TTC3: variants seen among roughly 807,000 people sequenced by gnomAD.
TTC3 encodes the protein E3 ubiquitin-protein ligase TTC3.
A neutral mutation model predicts 249.6 loss-of-function variants in TTC3; 180 were observed. The observed-to-expected ratio is 0.72, with a 90% CI of 0.64 to 0.82. The LOEUF (loss-of-function observed/expected upper bound fraction) is 0.82, where lower values mean the gene tolerates loss of function less well. Among genes scored for constraint, TTC3 ranks in the 40% least tolerant of loss-of-function variants. TTC3 has a pLI of 0.00. For synonymous variants in TTC3, 717 were observed against 805.0 expected (o/e 0.89, Z 1.85); for missense variants, 2,061 against 2,398.4 (o/e 0.86, Z 2.94).
intron 10 of TTC3, chr21:37,097,851 A>G (rs185904312): frequency 1.3e-4 from 84 of 628,532 alleles, no homozygotes; most frequent in African/African-American, 1.3e-3. Context: ...TGGGGAAGGT[A>G]GTAAACTCTA....
intron 1 of TTC3, among the ~76,000 whole-genome samples, chr21:37,081,238 C>A (rs2071614183): frequency 6.8e-6 from 1 of 146,754 alleles, no homozygotes; most frequent in Admixed American, 6.9e-5. Context: ...CTGCCTCAGA[C>A]TCCCAAGTAG....
intron 34 of TTC3, among the ~76,000 whole-genome samples, chr21:37,170,997 C>T (rs1472566657): frequency 6.6e-6 from 1 of 152,170 alleles, no homozygotes; most frequent in Non-Finnish European, 1.5e-5. Flanking sequence ...GTTTCCATAT[C>T]AGTAAATACG....
chr21:37,097,357 C>T (rs533018641), intron 10 of TTC3, among the ~76,000 whole-genome samples: 234 of 152,162 alleles, frequency 1.5e-3, no homozygotes, highest in Middle Eastern at 6.8e-3. Flanking sequence ...TTTTGTCCTG[C>T]CTTACTGTAA....
chr21:37,174,779 G>T (rs1332131084), intron 35 of TTC3, among the ~76,000 whole-genome samples: 1 of 151,922 alleles, frequency 6.6e-6, no homozygotes, highest in Non-Finnish European at 1.5e-5. Flanking sequence ...TTTGACCCTC[G>T]GTCTTCTCAT....
chr21:37,134,629 G>C (rs571342583), intron 17 of TTC3, among the ~76,000 whole-genome samples: 1 of 152,134 alleles, frequency 6.6e-6, no homozygotes, highest in African/African-American at 2.4e-5. Flanking sequence ...AAGGAGTGAG[G>C]AGATTTTAGG....
At chr21:37,166,056 C>A in exon 33 of TTC3, 1 of 1,614,180 alleles carries the variant, frequency 6.2e-7, no homozygotes, top group Non-Finnish European at 8.5e-7. Context: ...TCTCCTAAAC[C>A]AGGCTCTGAG....
intron 27 of TTC3, 105 bp downstream of exon 27, chr21:37,153,382 C>G (rs1341504637): frequency 9.9e-6 from 11 of 1,106,866 alleles, no homozygotes; most frequent in Non-Finnish European, 1.4e-5. Context: ...ACTTTAAATG[C>G]AGGACTATAA....
chr21:37,151,765 A>C, intron 25 of TTC3, 128 bp from the exon 26 acceptor site: 1 of 1,077,494 alleles, frequency 9.3e-7, no homozygotes, highest in Non-Finnish European at 1.3e-6. Context: ...TCTTACATTG[A>C]ATGGAAGATG....
At chr21:37,159,643 T>C (rs2080486126) in intron 28 of TTC3, 56 bp from the exon 29 acceptor site, 2 of 1,553,960 alleles carry the variant, frequency 1.3e-6, no homozygotes, top group Non-Finnish European at 1.8e-6. Flanking sequence ...TTTAGTGTAC[T>C]ATATGGAAAT....
intron 1 of TTC3, among the ~76,000 whole-genome samples, chr21:37,077,902 G>T (rs747472008): frequency 2.0e-4 from 31 of 152,124 alleles, no homozygotes; most frequent in South Asian, 4.1e-4. Flanking sequence ...AACATAATCT[G>T]ATTGGAACCT....
intron 2 of TTC3, 92 bp from the exon 3 acceptor site, chr21:37,087,741 C>T: frequency 4.9e-6 from 5 of 1,024,564 alleles, no homozygotes; most frequent in Non-Finnish European, 7.3e-6. Flanking sequence ...TAAATGCCCA[C>T]TGAAAGTTCT....
Position 37,142,357 on chromosome 21 carries a change from G to A in TTC3, c.1772+1684G>A, listed in dbSNP as rs535016090. Among the ~76,000 whole-genome samples, 9 of 152,274 alleles carry A rather than the reference G, an allele frequency of 5.9e-5. 1 individual carries two copies. The South Asian group carries it at 6.2e-4, about 11-fold the overall frequency. ...GATTGTATATCTAGAAAACCCCATC[G>A]TCTCAGCCCAAAATCTTCTTAAGCT... On this transcript the variant is annotated intron_variant, in intron 20 of 45. Coordinates refer to ENST00000355666, the Ensembl canonical transcript of TTC3.
At chr21:37,135,558 C>G (rs1282093994) in intron 18 of TTC3, 44 bp downstream of exon 18, 16 of 1,590,488 alleles carry the variant, frequency 1.0e-5, no homozygotes, top group Non-Finnish European at 1.4e-5. Context: ...GCTAATGCAC[C>G]TCAGATGAAT....
intron 35 of TTC3, among the ~76,000 whole-genome samples, chr21:37,177,134 G>A (rs898984338): frequency 2.0e-5 from 3 of 152,130 alleles, no homozygotes; most frequent in African/African-American, 7.2e-5. Context: ...TCAGCTGGCT[G>A]TAGATTGATC....
chr21:37,189,350 A>AT (rs2083708931), intron 39 of TTC3, among the ~76,000 whole-genome samples: 1 of 151,824 alleles, frequency 6.6e-6, no homozygotes, highest in African/African-American at 2.4e-5. Flanking sequence ...GGTTCAAGCG[A>AT]TTCTCTTGCC....
At chr21:37,161,004 T>C in intron 30 of TTC3, 146 bp downstream of exon 30, 2 of 725,056 alleles carry the variant, frequency 2.8e-6, no homozygotes, top group Non-Finnish European at 4.2e-6. Context: ...TTTGGCAGTC[T>C]TCTACATTTT....
At position 37,122,018 on chromosome 21, in the gene TTC3, C is replaced by G. The variant is rs768806286; in HGVS notation, c.1063+39C>G. 3.2e-6 allele frequency: 5 copies of G among 1,546,994 alleles called. No individual in the cohort carries two copies. The Admixed American group carries it at 1.0e-4, about 31-fold the overall frequency. On this transcript the variant is annotated intron_variant, in intron 12 of 45. Coordinates refer to ENST00000355666, the Ensembl canonical transcript of TTC3. ...GATTCTTTTGGTTACAGTCTTAATT[C>G]CCTTTCAAACTTTGGAGGGTGGGTT... is the stretch of plus-strand genomic sequence containing the variant.
chr21:37,180,398 T>TG (rs1348551388), intron 35 of TTC3, among the ~76,000 whole-genome samples: 1 of 146,612 alleles, frequency 6.8e-6, no homozygotes, highest in African/African-American at 2.5e-5. Flanking sequence ...ATATATTATC[T>TG]TTTTTTTTAC....
chr21:37,141,296 G>T (rs1002843928), intron 20 of TTC3, among the ~76,000 whole-genome samples: 1 of 152,048 alleles, frequency 6.6e-6, no homozygotes, highest in Non-Finnish European at 1.5e-5. Flanking sequence ...TATAGAGGTA[G>T]GTATGTTAGA....
Sources: gnomAD v4.1 joint callset for allele counts (sites outside exome capture counted in the v4.1 genomes callset) on GRCh38, gnomAD v4.1.1 for gene constraint, MANE v1.5 for transcripts, NCBI Gene and HGNC (gene_info 2026-07-23, HGNC 2026-07-21) for gene names.